Variants in LAMB4 observed in about 807,000 individuals in gnomAD.
LAMB4 encodes laminin subunit beta-4.
In LAMB4, 196 loss-of-function variants were observed where a neutral mutation model predicts 199.2. The observed-to-expected ratio is 0.98, with a 90% CI of 0.88 to 1.11. The LOEUF is 1.11. LAMB4 is among the 50% of genes least tolerant of loss of function. The pLI, the probability that LAMB4 is intolerant of heterozygous loss-of-function variation, is 0.00. For missense variants in LAMB4, 2,080 were observed against 2,171.2 expected, an observed-to-expected ratio of 0.96 and a Z score of 0.83; for synonymous variants, 744 against 770.6, an observed-to-expected ratio of 0.97 and a Z score of 0.57.
chr7:108,033,860 A>T (rs2528696), intron 31 of LAMB4, among the ~76,000 whole-genome samples: 19,072 of 148,786 alleles, frequency 0.13, 2,114 homozygotes, highest in African/African-American at 0.31. Context: ...TAAAAAGTCT[A>T]TTCCTTTCCC....
At chr7:108,083,397 A>G (rs1306183679) in intron 14 of LAMB4, among the ~76,000 whole-genome samples, 2 of 152,328 alleles carry the variant, frequency 1.3e-5, no homozygotes, top group East Asian at 3.9e-4. Flanking sequence ...GGCTTCCTAC[A>G]GTGAGAACCA....
chr7:108,015,947 A>G, the LAMB4 span, among the ~76,000 whole-genome samples: 3 of 152,284 alleles, frequency 2.0e-5, no homozygotes, highest in East Asian at 5.8e-4. Context: ...TTTTCTTTCA[A>G]GCAGAATTAC....
chr7:108,055,855 A>G lies in LAMB4; in HGVS notation c.3532T>C (p.Cys1178Arg), dbSNP rs201287136. 2.7e-4 allele frequency: 434 copies of G among 1,614,200 alleles called. 3 individuals are homozygous for G. The South Asian group carries it at 2.8e-3, about 11-fold the overall frequency. The change falls in exon 25 of 34, where the codon TGC becomes CGC. Residue 1178 changes from cysteine to arginine, a missense_variant. Physicochemically the swap from Cys to Arg is radical, Grantham distance 180 (BLOSUM62 -3). Transcript: ENST00000388781. ...ATGGTGTGGTCCCACTGATCAAAGC[A>G]CAAGTGACATTGAAGACAAGTAGGG... ...EFPTCLQCHL[C>R]FDQWDHTISS...
intron 17 of LAMB4, among the ~76,000 whole-genome samples, chr7:108,074,020 G>A (rs1363847752): frequency 3.9e-5 from 6 of 152,170 alleles, no homozygotes; most frequent in Non-Finnish European, 8.8e-5. Context: ...CATCCAGGGA[G>A]GTTCAACTGT....
intron 12 of LAMB4, among the ~76,000 whole-genome samples, chr7:108,093,196 A>G (rs1234402084): frequency 2.0e-5 from 3 of 152,092 alleles, no homozygotes; most frequent in African/African-American, 7.2e-5. Flanking sequence ...CCTCCCGAGT[A>G]GCTGGGATTA....
At chr7:108,019,012 C>G (rs574042120), downstream of LAMB4, among the ~76,000 whole-genome samples, 1 of 152,158 alleles carries the variant, frequency 6.6e-6, no homozygotes, top group Non-Finnish European at 1.5e-5. Context: ...ATAGCCGGCT[C>G]TCCATATTCC....
At chr7:108,042,273 A>T (rs1351096544) in intron 29 of LAMB4, among the ~76,000 whole-genome samples, 1 of 152,144 alleles carries the variant, frequency 6.6e-6, no homozygotes, top group African/African-American at 2.4e-5. Context: ...TTGTAATGAT[A>T]GTTCTTTATG....
Position 108,091,863 on chromosome 7 carries a change from A to C in LAMB4, c.1551-87T>G, listed in dbSNP as rs113737904. 3.4e-5 allele frequency: 44 copies of C among 1,287,152 alleles called. No individual in the cohort carries two copies. The African/African-American group carries it at 4.6e-4, about 13-fold the overall frequency. The allele number at this position is 1,287,152 out of a possible 1,614,324, so 79.7% of individuals were successfully genotyped here. ...AGGGGTGCTGGGCTAATGCTCCCTG[A>C]GTTTGGAGCAATCCTTAGAATCAGT... On this transcript the variant is annotated intron_variant, in intron 13 of 33. Transcript: ENST00000388781.
intron 4 of LAMB4, among the ~76,000 whole-genome samples, chr7:108,110,134 T>C (rs1192545153): frequency 6.6e-6 from 1 of 152,118 alleles, no homozygotes; most frequent in Non-Finnish European, 1.5e-5. Context: ...GGTCAGGGGA[T>C]TCTACTGCCT....
intron 31 of LAMB4, among the ~76,000 whole-genome samples, 195 bp from the exon 32 acceptor site, chr7:108,031,174 C>T (rs893616237): frequency 2.7e-5 from 4 of 150,254 alleles, no homozygotes; most frequent in Admixed American, 6.6e-5. Context: ...AAAAATATAA[C>T]GTTAGCCTAG....
Position 108,063,001 on chromosome 7 carries a change from T to C in LAMB4, c.3062-7A>G, listed in dbSNP as rs199836181. ...GAAGCATGGCAGGAGCATCCTGTGA[T>C]GACAAAACCATCATCAGAGGTAAAT... On this transcript the variant is annotated splice_polypyrimidine_tract_variant and splice_region_variant and intron_variant, in intron 22 of 33. Coordinates refer to ENST00000388781, the MANE Select transcript of LAMB4 (RefSeq NM_007356.3). 48 of 1,540,096 alleles carry C rather than the reference T, an allele frequency of 3.1e-5. No individual in the cohort carries two copies. In the African/African-American group the frequency reaches 6.1e-4, roughly 20 times the overall value.
At chr7:108,097,645 C>T (rs887259579) in intron 11 of LAMB4, among the ~76,000 whole-genome samples, 2 of 152,060 alleles carry the variant, frequency 1.3e-5, no homozygotes, top group Non-Finnish European at 2.9e-5. Context: ...ATTAGCCGGG[C>T]GTGGTGGCAG....
intron 2 of LAMB4, among the ~76,000 whole-genome samples, chr7:108,117,162 G>A (rs909691034): frequency 3.9e-5 from 6 of 152,092 alleles, no homozygotes; most frequent in Admixed American, 2.6e-4. Context: ...AAATTATTCT[G>A]GAAAATTTCA....
chr7:108,110,803 T>A (rs914983502), intron 4 of LAMB4, among the ~76,000 whole-genome samples: 1 of 151,626 alleles, frequency 6.6e-6, no homozygotes, highest in Non-Finnish European at 1.5e-5. Flanking sequence ...TTAAGGAGAG[T>A]CCAGCTGGAG....
At chr7:108,020,486 A>AT (rs2034668910), downstream of LAMB4, among the ~76,000 whole-genome samples, 2 of 151,634 alleles carry the variant, frequency 1.3e-5, no homozygotes, top group Non-Finnish European at 2.9e-5. Flanking sequence ...AAAAAAAAAA[A>AT]AAAAGAAAAG....
chr7:108,025,417 C>CTTTCT (rs772964568), intron 33 of LAMB4, among the ~76,000 whole-genome samples: 2 of 107,868 alleles, frequency 1.9e-5, no homozygotes, highest in Admixed American at 8.7e-5. Context: ...TTCTTTCTTT[C>CTTTCT]TTCTTTCTTT....
At chr7:108,108,232 T>C (rs1455008729) in intron 5 of LAMB4, among the ~76,000 whole-genome samples, 1 of 152,190 alleles carries the variant, frequency 6.6e-6, no homozygotes, top group Non-Finnish European at 1.5e-5. Flanking sequence ...CCTGGCCAGG[T>C]CTATCTTTTA....
At chr7:108,124,751 C>T (rs1389057195) in intron 1 of LAMB4, among the ~76,000 whole-genome samples, 4 of 151,720 alleles carry the variant, frequency 2.6e-5, no homozygotes, top group Non-Finnish European at 5.9e-5. Context: ...ACTATTTTTT[C>T]ACATTCTACC....
intron 14 of LAMB4, among the ~76,000 whole-genome samples, chr7:108,084,004 G>A (rs944608520): frequency 3.9e-5 from 6 of 152,214 alleles, no homozygotes; most frequent in Admixed American, 1.3e-4. Flanking sequence ...ATGGGGACAC[G>A]AGGAATATGT....
Sources: gnomAD v4.1 joint callset for allele counts (sites outside exome capture counted in the v4.1 genomes callset) on GRCh38, gnomAD v4.1.1 for gene constraint, MANE v1.5 for transcripts, NCBI Gene and HGNC (gene_info 2026-07-23, HGNC 2026-07-21) for gene names.